ZNF618: variants seen among roughly 807,000 people sequenced by gnomAD.
ZNF618 encodes zinc finger protein 618.
Under a neutral mutation model 103.0 loss-of-function variants are expected in ZNF618, and 34 were observed. The ratio of observed to expected loss-of-function variants is 0.33; its 90% CI spans 0.25 to 0.44. The LOEUF is 0.44. Ranked by LOEUF, ZNF618 falls within the 20% of genes least tolerant of loss-of-function variation. The pLI is 1.00. For missense variants in ZNF618, 1,059 were observed against 1,295.4 expected (o/e 0.82, Z 2.80); for synonymous variants, 551 against 542.2 (o/e 1.02, Z -0.23).
intron 1 of ZNF618, among the ~76,000 whole-genome samples, chr9:113,884,286 C>T (rs1261357183): frequency 6.6e-6 from 1 of 152,134 alleles, no homozygotes. Flanking sequence ...AGGCACGGCT[C>T]CCCTCTCTGC....
At chr9:113,921,564 C>T (rs536274612) in intron 1 of ZNF618, among the ~76,000 whole-genome samples, 26 of 152,282 alleles carry the variant, frequency 1.7e-4, no homozygotes, top group African/African-American at 2.6e-4. Flanking sequence ...GATGAAACCC[C>T]GGAGGCAAAC....
At position 114,056,214 on chromosome 9, in the gene ZNF618, T is replaced by G. The variant is rs1380940620; in HGVS notation, c.*6047T>G. 6.6e-6 allele frequency: 1 copy of G among 152,206 alleles called. No individual in the cohort carries two copies. Among genetic ancestry groups the G allele is most frequent in the Non-Finnish European group, 1.5e-5 (1 of 68,028 alleles). 9.4% of individuals were successfully genotyped at this position (152,206 alleles called of 1,614,324 possible). ...CTTTGTTTTGGTGCCGTTTCTCCAT[T>G]TACAGCCAAATCAGTTTCATGATGT... is the stretch of plus-strand genomic sequence containing the variant. On this transcript the variant is annotated 3_prime_UTR_variant, in exon 15 of 15. Transcript: ENST00000374126.
chr9:113,919,839 T>C (rs562877487), intron 1 of ZNF618, among the ~76,000 whole-genome samples: 55 of 152,358 alleles, frequency 3.6e-4, no homozygotes, highest in African/African-American at 1.2e-3. Flanking sequence ...CTTCGTAGTC[T>C]AATGAGTCTG....
intron 1 of ZNF618, among the ~76,000 whole-genome samples, chr9:113,925,698 G>T (rs1038520563): frequency 7.2e-5 from 11 of 151,840 alleles, no homozygotes; most frequent in African/African-American, 2.4e-4. Flanking sequence ...TCCTTAGAGT[G>T]TGCAGTATAC....
At chr9:113,984,974 C>T (rs914745675) in intron 2 of ZNF618, among the ~76,000 whole-genome samples, 6 of 152,176 alleles carry the variant, frequency 3.9e-5, no homozygotes, top group Admixed American at 6.5e-5. Context: ...ACAGCCCATG[C>T]GCTAAACACC....
rs75634427 is a variant in ZNF618, at chr9:114,007,030, A to G, written c.551-320A>G. 8.2e-4 allele frequency among the ~76,000 whole-genome samples: 125 copies of G among 152,310 alleles called. No individual in the cohort carries two copies. In the East Asian group the frequency reaches 0.02, roughly 24 times the overall value. ...AGTGATATTCTGTCACTTTTACTGC[A>G]TTCTGTTCATTAGAAGTCAGTTACC... On this transcript the variant is annotated intron_variant, in intron 6 of 14. Transcript: ENST00000374126.
chr9:113,916,081 T>C (rs1039593160), intron 1 of ZNF618, among the ~76,000 whole-genome samples: 26 of 151,844 alleles, frequency 1.7e-4, no homozygotes, highest in Non-Finnish European at 3.4e-4. Flanking sequence ...TCTGTGTGTG[T>C]GTGTGTGTGT....
At chr9:113,898,008 G>T (rs139080378) in intron 1 of ZNF618, among the ~76,000 whole-genome samples, 1 of 152,142 alleles carries the variant, frequency 6.6e-6, no homozygotes, top group Non-Finnish European at 1.5e-5. Flanking sequence ...GGGCAGGCTG[G>T]TCTTGAACTC....
chr9:113,977,590 A>T (rs1396398860), intron 2 of ZNF618, among the ~76,000 whole-genome samples: 1 of 152,176 alleles, frequency 6.6e-6, no homozygotes, highest in African/African-American at 2.4e-5. Flanking sequence ...TGTTGGGGAT[A>T]TTCTATCTGG....
rs115960839 is a variant in ZNF618 at position 113,946,184 on chromosome 9, A to T, written c.34-22933A>T. 6.1e-3 allele frequency among the ~76,000 whole-genome samples: 935 copies of T among 152,322 alleles called. 10 individuals carry two copies. Among genetic ancestry groups the T allele is most frequent in the African/African-American group, 0.021 (893 of 41,576 alleles). On this transcript the variant is annotated intron_variant, in intron 1 of 14. Coordinates refer to ENST00000374126, the MANE Select transcript of ZNF618 (RefSeq NM_001318042.2). ...AGCCCCCTGGGCCAAAGCAGCCAGGAATATCAAGGCCACAGGCTTAGCCCC... is the reference window on the plus strand; with the variant it reads ...AGCCCCCTGGGCCAAAGCAGCCAGGTATATCAAGGCCACAGGCTTAGCCCC...
chr9:113,946,165 C>A (rs976349306), intron 1 of ZNF618, among the ~76,000 whole-genome samples: 1 of 152,208 alleles, frequency 6.6e-6, no homozygotes, highest in South Asian at 2.1e-4. Context: ...GCGGAGCCCC[C>A]TGGGCCAAAG....
chr9:113,951,531 G>A (rs988142847), intron 1 of ZNF618, among the ~76,000 whole-genome samples: 801 of 25,084 alleles, frequency 0.032, 49 homozygotes, highest in Admixed American at 0.051. Context: ...GTACACATAT[G>A]TGTGTACATA....
At chr9:113,900,642 C>G (rs938174512) in intron 1 of ZNF618, among the ~76,000 whole-genome samples, 4 of 148,814 alleles carry the variant, frequency 2.7e-5, no homozygotes, top group East Asian at 2.1e-4. Flanking sequence ...TCCCGCGAAC[C>G]CGAGCTCCCG....
intron 1 of ZNF618, among the ~76,000 whole-genome samples, chr9:113,919,779 C>G (rs1341449536): frequency 2.0e-5 from 3 of 152,228 alleles, no homozygotes; most frequent in Non-Finnish European, 2.9e-5. Flanking sequence ...AGGGTTGCCT[C>G]TAGTTTGCAG....
At chr9:113,958,115 T>C (rs1836492928) in intron 1 of ZNF618, among the ~76,000 whole-genome samples, 1 of 152,164 alleles carries the variant, frequency 6.6e-6, no homozygotes, top group African/African-American at 2.4e-5. Flanking sequence ...GCAGCATTTA[T>C]GCACCCAGAG....
intron 2 of ZNF618, among the ~76,000 whole-genome samples, chr9:113,978,330 C>T (rs549296751): frequency 4.6e-5 from 7 of 152,356 alleles, no homozygotes; most frequent in Non-Finnish European, 7.3e-5. Context: ...CTTTTTCCCA[C>T]GATGGCTTCT....
intron 1 of ZNF618, among the ~76,000 whole-genome samples, chr9:113,898,576 A>G (rs1202154485): frequency 6.6e-6 from 1 of 151,700 alleles, no homozygotes; most frequent in South Asian, 2.1e-4. Flanking sequence ...ACAGGTGTGC[A>G]CCACCATGCC....
intron 2 of ZNF618, among the ~76,000 whole-genome samples, chr9:113,984,299 G>A (rs183876740): frequency 1.3e-5 from 2 of 152,334 alleles, no homozygotes; most frequent in East Asian, 1.9e-4. Flanking sequence ...CCTCAAGCAA[G>A]CCAGGAAGGC....
chr9:113,949,802 G>A (rs959510992), intron 1 of ZNF618, among the ~76,000 whole-genome samples: 1 of 152,214 alleles, frequency 6.6e-6, no homozygotes, highest in Non-Finnish European at 1.5e-5. Flanking sequence ...TTCTAGGATC[G>A]TTTCCTGATT....
Sources: gnomAD v4.1 joint callset for allele counts (sites outside exome capture counted in the v4.1 genomes callset) on GRCh38, gnomAD v4.1.1 for gene constraint, MANE v1.5 for transcripts, NCBI Gene and HGNC (gene_info 2026-07-23, HGNC 2026-07-21) for gene names.